Variants in ART3 observed in about 807,000 individuals in gnomAD.
ART3 encodes ecto-ADP-ribosyltransferase 3.
A neutral mutation model predicts 48.5 loss-of-function variants in ART3; 49 were observed. The observed-to-expected ratio is 1.01, with a 90% confidence interval of 0.80 to 1.28. The LOEUF (loss-of-function observed/expected upper bound fraction) is 1.28. Among genes scored for constraint, ART3 ranks in the 50% most tolerant of loss-of-function variants. ART3 has a pLI of 0.00. For missense variants in ART3, 438 were observed against 454.3 expected (o/e 0.96, Z 0.33); for synonymous variants, 145 against 157.2 (o/e 0.92, Z 0.58).
chr4:76,109,384 T>C (rs7668413), intron 11 of ART3, among the ~76,000 whole-genome samples: 78,756 of 151,762 alleles, frequency 0.52, 21,839 homozygotes, highest in African/African-American at 0.72. Flanking sequence ...TCTTCAGGGG[T>C]AGTAACGTGC....
At position 76,112,571 on chromosome 4, in the gene ART3, T is replaced by A. The variant is rs1462207892; in HGVS notation, c.*52T>A. On this transcript the variant is annotated 3_prime_UTR_variant, in exon 12 of 12. Transcript: ENST00000355810. Reference sequence around the variant, plus strand: ...TCTTTACTTGAAATAACTATAGGGATCCACAGGAGATCAAAAGGAATGATG... The same window carrying A: ...TCTTTACTTGAAATAACTATAGGGAACCACAGGAGATCAAAAGGAATGATG... 6.5e-7 allele frequency: 1 copy of A among 1,531,394 alleles called. No individual in the cohort carries two copies. The allele number at this position is 1,531,394 out of a possible 1,614,324, so 94.9% of individuals were successfully genotyped here.
chr4:76,111,592 G>C (rs995996479), intron 11 of ART3, among the ~76,000 whole-genome samples: 2 of 152,046 alleles, frequency 1.3e-5, no homozygotes. Context: ...ACCCAGGATG[G>C]AGTGCAGTGG....
At chr4:76,034,556 G>T in intron 1 of ART3, 4 of 514,792 alleles carry the variant, frequency 7.8e-6, no homozygotes, top group South Asian at 3.3e-5. Context: ...TTAATTGTTG[G>T]ACTCCTTTGG....
At chr4:76,034,213 A>G (rs892045545) in intron 1 of ART3, 3 of 380,616 alleles carry the variant, frequency 7.9e-6, no homozygotes, top group African/African-American at 6.2e-5. Context: ...ATGTTTGGGG[A>G]AAGAAGTGTG....
intron 1 of ART3, among the ~76,000 whole-genome samples, chr4:76,048,174 A>G (rs1735693152): frequency 6.6e-6 from 1 of 151,988 alleles, no homozygotes; most frequent in Admixed American, 6.6e-5. Flanking sequence ...GTCCTCCTGT[A>G]GGATGTAAAT....
Position 76,059,258 on chromosome 4 carries a change from C to T in ART3, c.-9-16623C>T, listed in dbSNP as rs1051587253. Among the ~76,000 whole-genome samples, 5 of 152,140 alleles carry T rather than the reference C, an allele frequency of 3.3e-5. No homozygotes were observed. In the East Asian group the frequency reaches 9.6e-4, roughly 29 times the overall value. On this transcript the variant is annotated intron_variant, in intron 1 of 9. Transcript: ENST00000341029. ...CTTAATTTAACAGACTTTTTGGTTG[C>T]CTTTGGATTGGTGGGGCAGGGGAAG... is the stretch of plus-strand genomic sequence containing the variant.
At chr4:76,060,360 T>A (rs965189453) in intron 1 of ART3, among the ~76,000 whole-genome samples, 1 of 152,068 alleles carries the variant, frequency 6.6e-6, no homozygotes, top group Non-Finnish European at 1.5e-5. Flanking sequence ...GCTGTGACAA[T>A]CAACTGTTTT....
At chr4:76,106,512 C>T in intron 10 of ART3, 1 of 230,150 alleles carries the variant, frequency 4.3e-6, no homozygotes, top group Non-Finnish European at 7.2e-6. Context: ...AGTTTATCAG[C>T]GGCTTGGACT....
chr4:76,078,839 G>C (rs1721735571), intron 2 of ART3, among the ~76,000 whole-genome samples: 1 of 152,188 alleles, frequency 6.6e-6, no homozygotes, highest in Non-Finnish European at 1.5e-5. Flanking sequence ...CCAGCACTTT[G>C]GGAGGCCGAG....
At chr4:76,065,974 G>T (rs1578389349) in intron 1 of ART3, among the ~76,000 whole-genome samples, 2 of 152,134 alleles carry the variant, frequency 1.3e-5, no homozygotes, top group South Asian at 4.1e-4. Flanking sequence ...TAGGATAAAG[G>T]TGAAAGAAAT....
intron 1 of ART3, among the ~76,000 whole-genome samples, chr4:76,028,842 A>AG (rs754161267): frequency 1.2e-4 from 19 of 152,198 alleles, no homozygotes; most frequent in Non-Finnish European, 2.5e-4. Flanking sequence ...ATGGCATTGG[A>AG]GGAGGCAGAG....
At chr4:76,021,177 T>C (rs1044461694) in intron 1 of ART3, 6 of 152,312 alleles carry the variant, frequency 3.9e-5, no homozygotes, top group Non-Finnish European at 5.9e-5. Context: ...TCTTTCTTAA[T>C]ATTTCCAGGA....
At chr4:76,031,855 G>A (rs1244573094) in intron 1 of ART3, among the ~76,000 whole-genome samples, 1 of 152,148 alleles carries the variant, frequency 6.6e-6, no homozygotes, top group Non-Finnish European at 1.5e-5. Context: ...AATTACAATT[G>A]CAGTAAGTAG....
At chr4:76,012,207 T>G (rs1040746048) in intron 1 of ART3, 1 of 152,172 alleles carries the variant, frequency 6.6e-6, no homozygotes, top group Non-Finnish European at 1.5e-5. Flanking sequence ...GGTGTTCTGT[T>G]TAATTATCCA....
chr4:76,020,182 AGTG>A (rs1732665024), intron 1 of ART3, among the ~76,000 whole-genome samples: 2 of 149,690 alleles, frequency 1.3e-5, no homozygotes. Flanking sequence ...GCTGGAGTGC[AGTG>A]GTGCAGTCAT....
At chr4:76,103,328 C>T (rs1299781288) in intron 8 of ART3, among the ~76,000 whole-genome samples, 4 of 151,928 alleles carry the variant, frequency 2.6e-5, no homozygotes, top group African/African-American at 9.7e-5. Flanking sequence ...TTGTACCCCA[C>T]CACAGCCTGA....
chr4:76,102,905 G>A (rs953487856), intron 8 of ART3, among the ~76,000 whole-genome samples: 1 of 151,898 alleles, frequency 6.6e-6, no homozygotes, highest in Non-Finnish European at 1.5e-5. Context: ...TTTAAAAAAC[G>A]AACAAGAGGT....
At chr4:76,035,812 A>T (rs1366061540) in intron 1 of ART3, 2 of 906,122 alleles carry the variant, frequency 2.2e-6, no homozygotes, top group East Asian at 2.5e-5. Flanking sequence ...AGTAACTTCT[A>T]ATCTGTGAGA....
chr4:76,055,081 C>T lies in ART3; in HGVS notation c.-9-20800C>T, dbSNP rs1578349603. On this transcript the variant is annotated intron_variant, in intron 1 of 9. Transcript: ENST00000341029. The stretch of plus-strand genomic sequence containing the variant: ...TGAGCCACAATGCCTGGCCTCTTGT[C>T]ATTTTTCTAAGGCTTTCCTAACATC... 3.3e-5 allele frequency among the ~76,000 whole-genome samples: 5 copies of T among 152,304 alleles called. 1 individual carries two copies. The highest frequency in any genetic ancestry group is 3.3e-4 in the Admixed American group (5 of 15,296).
Sources: allele counts gnomAD v4.1 joint callset (sites outside exome capture counted in the v4.1 genomes callset), GRCh38; gene constraint gnomAD v4.1.1; transcripts MANE v1.5; gene names NCBI Gene and HGNC (gene_info 2026-07-23, HGNC 2026-07-21).